SPICE1: variants seen among roughly 807,000 people sequenced by gnomAD.
SPICE1 encodes spindle and centriole-associated protein 1.
In SPICE1, 75 loss-of-function variants were observed where a neutral mutation model predicts 102.7. The ratio of observed to expected loss-of-function variants is 0.73; its 90% CI spans 0.61 to 0.88. SPICE1 has a LOEUF of 0.88. Ranked by LOEUF, SPICE1 falls within the 40% of genes least tolerant of loss-of-function variation. The probability of loss-of-function intolerance (pLI) is 0.00; values close to 1 mark genes in which losing one functional copy is unlikely to be tolerated. For synonymous variants in SPICE1, 308 were observed against 350.3 expected, an observed-to-expected ratio of 0.88 and a Z score of 1.35; for missense variants, 979 against 1,020.1, an observed-to-expected ratio of 0.96 and a Z score of 0.55.
intron 2 of SPICE1, 24 bp from the exon 3 acceptor site, chr3:113,503,251 T>TAA: frequency 1.3e-6 from 2 of 1,544,512 alleles, no homozygotes; most frequent in East Asian, 2.4e-5. Context: ...TGGCCTTTCT[T>TAA]TAAAAAAAAA....
intron 11 of SPICE1, among the ~76,000 whole-genome samples, chr3:113,464,139 G>A (rs1258580773): frequency 6.6e-6 from 1 of 151,860 alleles, no homozygotes; most frequent in Non-Finnish European, 1.5e-5. Context: ...AGATAACAGT[G>A]CTGGCATACA....
intron 2 of SPICE1, among the ~76,000 whole-genome samples, chr3:113,504,737 T>C (rs1356732683): frequency 6.6e-6 from 1 of 152,178 alleles, no homozygotes; most frequent in African/African-American, 2.4e-5. Context: ...CCATCAATAC[T>C]AAAACCATTG....
intron 7 of SPICE1, among the ~76,000 whole-genome samples, chr3:113,482,433 T>C (rs1464909709): frequency 6.6e-6 from 1 of 152,214 alleles, no homozygotes; most frequent in Non-Finnish European, 1.5e-5. Context: ...TTTGTCAATT[T>C]TGGCTTTTGT....
In SPICE1 at chr3:113,465,730, AT is replaced by A; in HGVS notation, c.1209del (p.Leu404Ter). ...EVETRQQLEQ[V>X]LGDHRELIDA... is the part of the protein sequence containing the mutation. Reference sequence around the variant, plus strand: ...TCAATGAGCTCTCGATGATCACCTAATACTTGTTCCAGTTGTTGCCTTGTCT... The same window carrying A: ...TCAATGAGCTCTCGATGATCACCTAAACTTGTTCCAGTTGTTGCCTTGTCT... On this transcript the variant is annotated frameshift_variant, in exon 11 of 18. Coordinates refer to ENST00000295872, the MANE Select transcript of SPICE1 (RefSeq NM_144718.4). LOFTEE classifies it high-confidence loss of function. The A allele has an allele frequency of 6.2e-7, 1 of 1,613,922 alleles. No individual in the cohort carries two copies. The highest frequency in any genetic ancestry group is 1.1e-5 in the South Asian group (1 of 91,066).
chr3:113,479,219 T>C (rs1936435088), intron 7 of SPICE1, among the ~76,000 whole-genome samples: 1 of 147,954 alleles, frequency 6.8e-6, no homozygotes, highest in African/African-American at 2.5e-5. Flanking sequence ...AGTGAGAACA[T>C]GTGGTGTTTG....
intron 6 of SPICE1, among the ~76,000 whole-genome samples, chr3:113,490,057 T>C (rs1343661293): frequency 6.6e-6 from 1 of 152,108 alleles, no homozygotes; most frequent in Non-Finnish European, 1.5e-5. Context: ...TTAGCTATTA[T>C]TATCCAGTCT....
Position 113,453,500 on chromosome 3 carries a change from A to C in SPICE1, c.2108T>G (p.Leu703Trp). 6.2e-7 allele frequency: 1 copy of C among 1,611,104 alleles called. No homozygotes were observed. Among genetic ancestry groups the C allele is most frequent in the Non-Finnish European group, 8.5e-7 (1 of 1,177,782 alleles). Reference sequence around the variant, plus strand: ...GTCACTTGCACTTTCTTGTTTGTTCAACTCCCGGAGTCCATCCCCTTGCTC... The same window carrying C: ...GTCACTTGCACTTTCTTGTTTGTTCCACTCCCGGAGTCCATCCCCTTGCTC... ...RGEQGDGLRELNKQESASDMT... is the reference protein window; with the variant it reads ...RGEQGDGLREWNKQESASDMT... Residue 703 changes from leucine (L) to tryptophan (W), a missense_variant, in exon 14 of 18, where the codon TTG (leucine) becomes TGG (tryptophan). Leu to Trp is a moderately conservative substitution (Grantham distance 61). Coordinates refer to ENST00000295872, the MANE Select transcript of SPICE1 (RefSeq NM_144718.4).
chr3:113,507,822 CA>C (rs1255214159), intron 1 of SPICE1, among the ~76,000 whole-genome samples: 3 of 152,126 alleles, frequency 2.0e-5, no homozygotes, highest in Admixed American at 6.6e-5. Flanking sequence ...ACAATAACCC[CA>C]TGAGGTACTT....
rs1462181199 is a variant in SPICE1, at chr3:113,444,643, T to C, written c.*664A>G. Reference sequence around the variant, plus strand: ...TGTTACCACATTTAGGCATTTGAGCTCTAGAATCATATTTATTTGATTTGC... The same window carrying C: ...TGTTACCACATTTAGGCATTTGAGCCCTAGAATCATATTTATTTGATTTGC... On this transcript the variant is annotated 3_prime_UTR_variant, in exon 18 of 18. Coordinates refer to ENST00000295872, the MANE Select transcript of SPICE1 (RefSeq NM_144718.4). 6.6e-6 allele frequency: 1 copy of C among 152,230 alleles called. No individual in the cohort carries two copies. Among genetic ancestry groups the C allele is most frequent in the East Asian group, 1.9e-4 (1 of 5,204 alleles). 9.4% of individuals were successfully genotyped at this position (152,230 alleles called of 1,614,324 possible).
At chr3:113,511,338 T>G (rs947459045) in intron 1 of SPICE1, among the ~76,000 whole-genome samples, 1 of 152,108 alleles carries the variant, frequency 6.6e-6, no homozygotes, top group Non-Finnish European at 1.5e-5. Context: ...CTATTCACAA[T>G]AGCAAAGAGA....
chr3:113,473,477 A>C (rs1274496790), intron 7 of SPICE1, among the ~76,000 whole-genome samples: 1 of 152,230 alleles, frequency 6.6e-6, no homozygotes, highest in East Asian at 1.9e-4. Context: ...ACCAAGACGC[A>C]TAATTGTCAG....
chr3:113,453,336 G>A, intron 14 of SPICE1, 130 bp downstream of exon 14: 1 of 1,095,182 alleles, frequency 9.1e-7, no homozygotes, highest in Non-Finnish European at 1.3e-6. Context: ...TTGAGGACAT[G>A]CCAAACATAA....
intron 6 of SPICE1, among the ~76,000 whole-genome samples, chr3:113,492,883 T>C (rs1936796102): frequency 6.6e-6 from 1 of 152,200 alleles, no homozygotes. Flanking sequence ...ATGGCCTAGA[T>C]TTGAATCCCA....
At chr3:113,479,734 G>A (rs943209779) in intron 7 of SPICE1, among the ~76,000 whole-genome samples, 1 of 152,130 alleles carries the variant, frequency 6.6e-6, no homozygotes, top group Admixed American at 6.6e-5. Context: ...ATACCAGAAT[G>A]TATGGTACAC....
In SPICE1 at chr3:113,514,927, C is replaced by A; in HGVS notation, c.-31G>T. On this transcript the variant is annotated 5_prime_UTR_variant, in exon 1 of 18. Coordinates refer to ENST00000295872, the MANE Select transcript of SPICE1 (RefSeq NM_144718.4). The stretch of plus-strand genomic sequence containing the variant: ...CTCTCAAAACACAGAGCCGCGGCTG[C>A]GCTTCCTGAAGTAAGGATTCCCCAA... 1 of 1,120,996 alleles carries A rather than the reference C, an allele frequency of 8.9e-7. No homozygotes were observed. Among genetic ancestry groups the A allele is most frequent in the Non-Finnish European group, 1.1e-6 (1 of 887,240 alleles). 69.4% of individuals were successfully genotyped at this position (1,120,996 alleles called of 1,614,324 possible).
rs116396525 is a variant in SPICE1, at chr3:113,490,510, C to T, written c.493-1447G>A. ...CACAAAAATTAGGCAGGCTTGGTGG[C>T]GTGCACCTGTGGTCTCACCTACTCA... is the stretch of plus-strand genomic sequence containing the variant. On this transcript the variant is annotated intron_variant, in intron 6 of 17. Coordinates refer to ENST00000295872, the MANE Select transcript of SPICE1 (RefSeq NM_144718.4). 8.9e-3 allele frequency among the ~76,000 whole-genome samples: 1,351 copies of T among 152,144 alleles called. 23 individuals are homozygous for T. Among genetic ancestry groups the T allele is most frequent in the African/African-American group, 0.031 (1,286 of 41,502 alleles).
At chr3:113,500,773 T>G (rs1234804930) in intron 3 of SPICE1, among the ~76,000 whole-genome samples, 1 of 152,170 alleles carries the variant, frequency 6.6e-6, no homozygotes, top group East Asian at 1.9e-4. Context: ...GGCATAATTA[T>G]TATTCTCAGT....
Position 113,444,980 on chromosome 3 carries a change from TAAACCTCAAA to T in SPICE1, c.*317_*326del. 1 of 174,544 alleles carries T rather than the reference TAAACCTCAAA, an allele frequency of 5.7e-6. No homozygotes were observed. Among genetic ancestry groups the T allele is most frequent in the South Asian group, 1.8e-4 (1 of 5,526 alleles). 10.8% of individuals were successfully genotyped at this position (174,544 alleles called of 1,614,324 possible). A position where few individuals can be genotyped will look rare whatever the true frequency, so the allele number is the denominator to read the frequency against. The stretch of plus-strand genomic sequence containing the variant: ...AATAAATGGATCAACTAAGATATAC[TAAACCTCAAA>T]AAACCCTGAATAAAGATAAAGGTAA... On this transcript the variant is annotated 3_prime_UTR_variant, in exon 18 of 18. Coordinates refer to ENST00000295872, the MANE Select transcript of SPICE1 (RefSeq NM_144718.4).
At chr3:113,499,790 AC>A (rs929257782) in intron 3 of SPICE1, among the ~76,000 whole-genome samples, 2 of 152,212 alleles carry the variant, frequency 1.3e-5, no homozygotes, top group Non-Finnish European at 2.9e-5. Context: ...GAACTGGTAA[AC>A]CTACCTAAAA....
Sources: allele counts gnomAD v4.1 joint callset (sites outside exome capture counted in the v4.1 genomes callset), GRCh38; gene constraint gnomAD v4.1.1; transcripts MANE v1.5; gene names NCBI Gene and HGNC (gene_info 2026-07-23, HGNC 2026-07-21).